TRPC6: variants seen among roughly 807,000 people sequenced by gnomAD.
TRPC6 encodes the protein short transient receptor potential channel 6.
Under a neutral mutation model 90.7 loss-of-function variants are expected in TRPC6, and 55 were observed. The observed-to-expected ratio is 0.61, with a 90% CI of 0.49 to 0.76. The LOEUF (loss-of-function observed/expected upper bound fraction) is 0.76, where lower values mean the gene tolerates loss of function less well. Ranked by LOEUF, TRPC6 falls within the 30% of genes least tolerant of loss-of-function variation. The pLI is 0.00. For synonymous variants in TRPC6, 393 were observed against 393.0 expected, an observed-to-expected ratio of 1.00 and a Z score of 0.00; for missense variants, 989 against 1,122.7, an observed-to-expected ratio of 0.88 and a Z score of 1.70.
chr11:101,562,019 G>C (rs961398355), intron 1 of TRPC6, among the ~76,000 whole-genome samples: 6 of 152,042 alleles, frequency 3.9e-5, no homozygotes, highest in African/African-American at 1.4e-4. Context: ...AAGATATACC[G>C]TAGGATCACA....
chr11:101,558,452 CGCACACAT>C lies in TRPC6; in HGVS notation c.170+24874_170+24881del, dbSNP rs1565243622. Reference sequence around the variant, plus strand: ...CTACATATATACATATATATACACACGCACACATACACACACACACACACACACACACA... The same window carrying C: ...CTACATATATACATATATATACACACACACACACACACACACACACACACA... On this transcript the variant is annotated intron_variant, in intron 1 of 12. Transcript: ENST00000344327. 1.5e-4 allele frequency among the ~76,000 whole-genome samples: 5 copies of C among 34,394 alleles called. 2 individuals are homozygous for C. The East Asian group carries it at 0.011, about 74-fold the overall frequency. 22.6% of individuals were successfully genotyped at this position (34,394 alleles called of 152,430 possible).
intron 2 of TRPC6, among the ~76,000 whole-genome samples, chr11:101,491,942 G>A (rs190221755): frequency 5.0e-4 from 71 of 142,444 alleles, no homozygotes; most frequent in African/African-American, 1.7e-3. Flanking sequence ...CTGGGTTCAC[G>A]CCATTCTCCT....
intron 2 of TRPC6, among the ~76,000 whole-genome samples, chr11:101,493,520 C>T (rs1251225006): frequency 4.6e-5 from 7 of 152,156 alleles, no homozygotes; most frequent in Non-Finnish European, 8.8e-5. Flanking sequence ...ATCTGCTTGG[C>T]CCCAAGCCTT....
chr11:101,487,559 T>G (rs956743482), intron 4 of TRPC6, among the ~76,000 whole-genome samples: 2 of 151,772 alleles, frequency 1.3e-5, no homozygotes, highest in East Asian at 3.9e-4. Context: ...AAGTCTCCAA[T>G]GTCTATCATT....
At chr11:101,575,528 T>C (rs4408275) in intron 1 of TRPC6, among the ~76,000 whole-genome samples, 73,329 of 151,974 alleles carry the variant, frequency 0.48, 18,393 homozygotes, top group South Asian at 0.62. Context: ...GCATATCTCA[T>C]AGGTTTGTGA....
intron 10 of TRPC6, among the ~76,000 whole-genome samples, chr11:101,462,632 C>T (rs535307119): frequency 6.6e-6 from 1 of 152,254 alleles, no homozygotes; most frequent in South Asian, 2.1e-4. Context: ...TATAGGAATG[C>T]TTGTGATTTG....
chr11:101,540,453 C>T (rs1188535215), intron 1 of TRPC6, among the ~76,000 whole-genome samples: 1 of 152,114 alleles, frequency 6.6e-6, no homozygotes, highest in African/African-American at 2.4e-5. Context: ...AGTATTTTAT[C>T]CTTTGCATTT....
intron 2 of TRPC6, among the ~76,000 whole-genome samples, chr11:101,497,951 C>A (rs908004397): frequency 4.6e-5 from 7 of 152,046 alleles, no homozygotes; most frequent in African/African-American, 1.7e-4. Flanking sequence ...CTACAAACAA[C>A]CTAAAAGGTA....
At chr11:101,464,788 T>C (rs1332947001) in intron 10 of TRPC6, among the ~76,000 whole-genome samples, 1 of 152,208 alleles carries the variant, frequency 6.6e-6, no homozygotes, top group Non-Finnish European at 1.5e-5. Context: ...TTAGCCTGTT[T>C]ACATTTAAGG....
In TRPC6 at chr11:101,504,692, T is replaced by C. The variant is rs768539008; in HGVS notation, c.277A>G (p.Thr93Ala). 3.1e-6 allele frequency: 5 copies of C among 1,597,190 alleles called. No homozygotes were observed. The highest frequency in any genetic ancestry group is 4.3e-6 in the Non-Finnish European group (5 of 1,170,436). Residue 93 changes from threonine to alanine, a missense_variant, in exon 2 of 13, where the codon ACA becomes GCA. This residue lies in a region of TRPC6 where 194 missense variants were observed against 136.5 expected (regional missense o/e 1.42). Transcript: ENST00000344327. ...GPAYMFSDRSTSLSIEEERFL... is the reference protein window; with the variant it reads ...GPAYMFSDRSASLSIEEERFL... Reference sequence around the variant, plus strand: ...CGTTCCTCCTCTATAGATAGGCTTGTGGAGCGATCACTAAACATGTATGCT... The same window carrying C: ...CGTTCCTCCTCTATAGATAGGCTTGCGGAGCGATCACTAAACATGTATGCT...
chr11:101,470,112 A>T lies in TRPC6; in HGVS notation c.2410-611T>A, dbSNP rs1432863767. Reference sequence around the variant, plus strand: ...TGCCCACTCAGTGTAAGAAGGAAAAATCTTCAATACATTCCCACTGTCAGC... The same window carrying T: ...TGCCCACTCAGTGTAAGAAGGAAAATTCTTCAATACATTCCCACTGTCAGC... On this transcript the variant is annotated intron_variant, in intron 9 of 12. Coordinates refer to ENST00000344327, the MANE Select transcript of TRPC6 (RefSeq NM_004621.6). 1.6e-4 allele frequency among the ~76,000 whole-genome samples: 24 copies of T among 152,182 alleles called. 1 individual carries two copies. Among genetic ancestry groups the T allele is most frequent in the Admixed American group, 1.6e-3 (24 of 15,272 alleles).
chr11:101,576,464 A>C (rs1318868829), intron 1 of TRPC6, among the ~76,000 whole-genome samples: 2 of 152,186 alleles, frequency 1.3e-5, no homozygotes, highest in African/African-American at 4.8e-5. Flanking sequence ...CTCTAAACAG[A>C]GATTCTATAA....
At chr11:101,453,406 C>T (rs940630420) in intron 12 of TRPC6, among the ~76,000 whole-genome samples, 5 of 152,154 alleles carry the variant, frequency 3.3e-5, no homozygotes, top group Non-Finnish European at 5.9e-5. Context: ...CCCACTTCCT[C>T]CTCCCTCCAA....
At chr11:101,493,628 G>A (rs558856734) in intron 2 of TRPC6, among the ~76,000 whole-genome samples, 72 of 152,190 alleles carry the variant, frequency 4.7e-4, no homozygotes, top group African/African-American at 1.3e-3. Flanking sequence ...GGCAAATACC[G>A]TTCCCATTTT....
chr11:101,485,341 A>AT (rs1008266087), intron 4 of TRPC6, among the ~76,000 whole-genome samples: 2 of 152,098 alleles, frequency 1.3e-5, no homozygotes, highest in African/African-American at 4.8e-5. Flanking sequence ...ATTAAAACAA[A>AT]TGGTATAAAA....
At chr11:101,543,889 C>T (rs1226714309) in intron 1 of TRPC6, among the ~76,000 whole-genome samples, 1 of 152,144 alleles carries the variant, frequency 6.6e-6, no homozygotes, top group Non-Finnish European at 1.5e-5. Context: ...CAAATGCGAT[C>T]TAATTAAACT....
chr11:101,525,469 G>C (rs1195371269), intron 1 of TRPC6, among the ~76,000 whole-genome samples: 1 of 152,210 alleles, frequency 6.6e-6, no homozygotes, highest in Non-Finnish European at 1.5e-5. Flanking sequence ...GTAAAGGGAA[G>C]AGACTAGGAC....
At chr11:101,551,410 C>T (rs1861446781) in intron 1 of TRPC6, among the ~76,000 whole-genome samples, 1 of 151,960 alleles carries the variant, frequency 6.6e-6, no homozygotes, top group African/African-American at 2.4e-5. Context: ...CCAAAAAATA[C>T]ATCAGATTTG....
At chr11:101,488,558 T>C (rs1859730218) in intron 4 of TRPC6, among the ~76,000 whole-genome samples, 1 of 152,200 alleles carries the variant, frequency 6.6e-6, no homozygotes, top group South Asian at 2.1e-4. Context: ...AGGATGTCAT[T>C]TGAAATATAT....
Sources: allele counts gnomAD v4.1 joint callset (sites outside exome capture counted in the v4.1 genomes callset), GRCh38; gene constraint gnomAD v4.1.1; regional missense constraint gnomAD v4.1.1; transcripts MANE v1.5; gene names NCBI Gene and HGNC (gene_info 2026-07-23, HGNC 2026-07-21).